The following MALRD1 variants were observed in gnomAD, a reference collection of about 807,000 sequenced individuals.
MALRD1 encodes MAM and LDL-receptor class A domain-containing protein 1.
In MALRD1, 247 loss-of-function variants were observed where a neutral mutation model predicts 242.1. That is an observed-to-expected ratio of 1.02 (90% CI 0.92 to 1.13). The LOEUF is 1.13. MALRD1 is among the 50% of genes most tolerant of loss of function. The probability of loss-of-function intolerance (pLI) is 0.00; values close to 1 mark genes in which losing one functional copy is unlikely to be tolerated. For synonymous variants in MALRD1, 995 were observed against 866.6 expected (o/e 1.15, Z -2.60); for missense variants, 2,989 against 2,533.1 (o/e 1.18, Z -3.86).
intron 32 of MALRD1, among the ~76,000 whole-genome samples, chr10:19,553,838 C>G (rs1055198678): frequency 4.4e-4 from 67 of 152,268 alleles, no homozygotes; most frequent in African/African-American, 1.3e-3. Context: ...ATAGGCACGT[C>G]CCTTATTCTC....
At chr10:19,536,541 T>G (rs892809970) in intron 32 of MALRD1, among the ~76,000 whole-genome samples, 13 of 152,200 alleles carry the variant, frequency 8.5e-5, no homozygotes, top group African/African-American at 3.1e-4. Context: ...TTCGTAGCCC[T>G]TGTAATCAGT....
chr10:19,315,663 A>G (rs2132008324), intron 21 of MALRD1, among the ~76,000 whole-genome samples: 1 of 128,724 alleles, frequency 7.8e-6, no homozygotes, highest in Non-Finnish European at 1.6e-5. Flanking sequence ...TATTATTTAT[A>G]TGACTATAGT....
intron 28 of MALRD1, among the ~76,000 whole-genome samples, chr10:19,390,345 A>G (rs1846286944): frequency 3.3e-5 from 5 of 152,334 alleles, no homozygotes; most frequent in Admixed American, 2.6e-4. Context: ...AAAGGACTGA[A>G]CTACTCAGGA....
intron 21 of MALRD1, among the ~76,000 whole-genome samples, chr10:19,294,331 G>A (rs78989926): frequency 0.14 from 21,620 of 152,076 alleles, 1,679 homozygotes; most frequent in African/African-American, 0.19. Context: ...TTGATTCCCT[G>A]TAGTGAGGCA....
chr10:19,268,209 A>G (rs902854269), intron 19 of MALRD1, among the ~76,000 whole-genome samples: 57 of 152,096 alleles, frequency 3.7e-4, no homozygotes, highest in African/African-American at 1.4e-3. Flanking sequence ...TTATAAAGCA[A>G]AAGTATTTCA....
intron 21 of MALRD1, among the ~76,000 whole-genome samples, chr10:19,291,912 C>G (rs1368156169): frequency 6.6e-6 from 1 of 151,374 alleles, no homozygotes; most frequent in Non-Finnish European, 1.5e-5. Flanking sequence ...TGGTGAAACC[C>G]CATCTCTATT....
chr10:19,373,203 C>CAAAAAAAAAAAAAAAAAAAA lies in MALRD1; in HGVS notation c.4442-14308_4442-14307insAAAAAAAAAAAAAAAAAAAA, dbSNP rs374095193. ...CTTGCATTTCAGCAAACGCTAAATA[C>CAAAAAAAAAAAAAAAAAAAA]AAAAAAAAAAAAAAAAATAAGGGGC... On this transcript the variant is annotated intron_variant, in intron 26 of 39. Transcript: ENST00000454679. Among the ~76,000 whole-genome samples, 135 of 114,840 alleles carry CAAAAAAAAAAAAAAAAAAAA rather than the reference C, an allele frequency of 1.2e-3. 1 individual carries two copies. The highest frequency in any genetic ancestry group is 3.8e-3 in the African/African-American group (111 of 29,208). 75.3% of individuals were successfully genotyped at this position (114,840 alleles called of 152,430 possible).
At chr10:19,355,855 ATAT>A (rs149112114) in intron 26 of MALRD1, among the ~76,000 whole-genome samples, 18,267 of 76,456 alleles carry the variant, frequency 0.24, 2,596 homozygotes, top group African/African-American at 0.26. Flanking sequence ...ATATATATAT[ATAT>A]TATATATGAT....
At chr10:19,068,320 T>TA (rs935938566) in intron 2 of MALRD1, among the ~76,000 whole-genome samples, 5 of 151,872 alleles carry the variant, frequency 3.3e-5, no homozygotes, top group South Asian at 2.1e-4. Context: ...TCGTTTTTTT[T>TA]ATGCATATTT....
chr10:19,402,103 C>T (rs1846880962), intron 28 of MALRD1, among the ~76,000 whole-genome samples: 1 of 152,160 alleles, frequency 6.6e-6, no homozygotes. Flanking sequence ...CTTAACAATG[C>T]ATGTTATACC....
intron 25 of MALRD1, among the ~76,000 whole-genome samples, chr10:19,351,387 A>G (rs1174630082): frequency 6.6e-6 from 1 of 152,120 alleles, no homozygotes; most frequent in East Asian, 1.9e-4. Flanking sequence ...AATACTTTTT[A>G]TTAATTTTTA....
chr10:19,223,473 A>G (rs1163241867), intron 18 of MALRD1, among the ~76,000 whole-genome samples: 2 of 151,778 alleles, frequency 1.3e-5, no homozygotes, highest in Non-Finnish European at 2.9e-5. Context: ...TTATGTCACT[A>G]TTTGTGTAGG....
chr10:19,643,196 C>T (rs1349772253), intron 36 of MALRD1, among the ~76,000 whole-genome samples: 6 of 151,906 alleles, frequency 3.9e-5, no homozygotes, highest in Non-Finnish European at 7.4e-5. Flanking sequence ...CTTTGGGAGG[C>T]GGAAGTGGGT....
At chr10:19,110,446 A>T (rs1035576805) in intron 5 of MALRD1, among the ~76,000 whole-genome samples, 7 of 152,196 alleles carry the variant, frequency 4.6e-5, no homozygotes, top group African/African-American at 1.7e-4. Context: ...ATCAATTGAA[A>T]TAGAGAACTT....
intron 5 of MALRD1, among the ~76,000 whole-genome samples, chr10:19,116,247 A>C (rs959594897): frequency 6.6e-6 from 1 of 152,220 alleles, no homozygotes; most frequent in Non-Finnish European, 1.5e-5. Flanking sequence ...TAACGATTTC[A>C]TGCTGTGGCT....
At chr10:19,352,943 T>C (rs1844459043) in intron 26 of MALRD1, among the ~76,000 whole-genome samples, 1 of 152,100 alleles carries the variant, frequency 6.6e-6, no homozygotes, top group Non-Finnish European at 1.5e-5. Context: ...ATGCAATAAA[T>C]ATTATTAACG....
chr10:19,507,712 C>G (rs564760724), intron 31 of MALRD1, among the ~76,000 whole-genome samples: 59 of 152,146 alleles, frequency 3.9e-4, no homozygotes, highest in Non-Finnish European at 7.2e-4. Context: ...TACCAATAGT[C>G]ATGATAATAA....
Position 19,146,262 on chromosome 10 carries a change from T to C in MALRD1, c.1476T>C (p.Asp492=). 1 of 1,231,638 alleles carries C rather than the reference T, an allele frequency of 8.1e-7. No homozygotes were observed. The allele number at this position is 1,231,638 out of a possible 1,614,324, so 76.3% of individuals were successfully genotyped here. A position where few individuals can be genotyped will look rare whatever the true frequency, so the allele number is the denominator to read the frequency against. The change falls in exon 11 of 40, where the codon GAT becomes GAC. Residue 492 remains aspartate, a synonymous_variant. Coordinates refer to ENST00000454679, the MANE Select transcript of MALRD1 (RefSeq NM_001142308.3). ...FCGWEPFLTE[D]SHWKLMKGLN... ...GTTGGGAGCCATTTCTCACAGAAGA[T>C]TCACACTGGAAGCTGATGAAAGGAT...
chr10:19,285,476 G>T (rs1292454752), intron 21 of MALRD1, among the ~76,000 whole-genome samples: 4 of 151,792 alleles, frequency 2.6e-5, no homozygotes, highest in African/African-American at 7.3e-5. Flanking sequence ...CATATGGCTA[G>T]CCAGTTTTCC....
Sources: gnomAD v4.1 joint callset for allele counts (sites outside exome capture counted in the v4.1 genomes callset) on GRCh38, gnomAD v4.1.1 for gene constraint, MANE v1.5 for transcripts, NCBI Gene and HGNC (gene_info 2026-07-23, HGNC 2026-07-21) for gene names.